Variants in LARGE1 observed in about 807,000 individuals in gnomAD.
LARGE1 encodes LARGE xylosyl- and glucuronyltransferase 1.
LARGE1 carries 43 observed loss-of-function variants against 87.6 expected under a neutral mutation model. The ratio of observed to expected loss-of-function variants is 0.49; its 90% CI spans 0.38 to 0.63. The LOEUF is 0.63. Ranked by LOEUF, LARGE1 falls within the 30% of genes least tolerant of loss-of-function variation. The pLI is 0.00. For missense variants in LARGE1, 802 were observed against 1,000.2 expected, an observed-to-expected ratio of 0.80 and a Z score of 2.67; for synonymous variants, 434 against 394.6, an observed-to-expected ratio of 1.10 and a Z score of -1.18.
At chr22:33,365,208 T>A (rs2064542979) in intron 9 of LARGE1, among the ~76,000 whole-genome samples, 4 of 152,258 alleles carry the variant, frequency 2.6e-5, no homozygotes, top group Admixed American at 2.6e-4. Flanking sequence ...TGACTTTCTT[T>A]AGAAAGTCAT....
chr22:33,223,992 G>A (rs1191208335), intron 11 of LARGE1, among the ~76,000 whole-genome samples: 2 of 152,136 alleles, frequency 1.3e-5, no homozygotes, highest in Non-Finnish European at 2.9e-5. Context: ...GCACAGTGAG[G>A]GGCACATAGA....
intron 4 of LARGE1, among the ~76,000 whole-genome samples, chr22:33,615,501 A>AC: frequency 6.6e-6 from 1 of 150,978 alleles, no homozygotes; most frequent in South Asian, 2.1e-4. Flanking sequence ...TTTTTAAAAA[A>AC]CCCTTTCTCT....
At chr22:33,607,587 C>A (rs1049106097) in intron 4 of LARGE1, among the ~76,000 whole-genome samples, 3 of 151,504 alleles carry the variant, frequency 2.0e-5, no homozygotes, top group Admixed American at 1.3e-4. Flanking sequence ...GAAGGCAACA[C>A]TGGGGTTCCT....
At position 33,564,823 on chromosome 22, in the gene LARGE1, GA is replaced by G. The variant is rs747223084; in HGVS notation, c.787+24del. 13 of 1,613,564 alleles carry G rather than the reference GA, an allele frequency of 8.1e-6. No homozygotes were observed. The South Asian group carries it at 1.4e-4, about 18-fold the overall frequency. Reference sequence around the variant, plus strand: ...TGCTGATACCTACAAGGATATCGGGGAAAAAACGAATGGGCTACCATTACCT... The same window carrying G: ...TGCTGATACCTACAAGGATATCGGGGAAAAACGAATGGGCTACCATTACCT... On this transcript the variant is annotated intron_variant, in intron 6 of 14. Coordinates refer to ENST00000397394, the MANE Select transcript of LARGE1 (RefSeq NM_133642.5).
chr22:33,899,294 A>T (rs77557632), intron 1 of LARGE1, among the ~76,000 whole-genome samples: 7,963 of 152,276 alleles, frequency 0.052, 207 homozygotes, highest in Middle Eastern at 0.082. Context: ...CAGGCAAAAA[A>T]GTTACAGGCT....
At chr22:33,086,384 A>C in the LARGE1 span, among the ~76,000 whole-genome samples, 1 of 152,130 alleles carries the variant, frequency 6.6e-6, no homozygotes, top group Admixed American at 6.5e-5. Flanking sequence ...ATTTTGAGAC[A>C]ACCTGCCCCC....
chr22:33,562,813 T>C (rs973018951), intron 6 of LARGE1: 1 of 152,526 alleles, frequency 6.6e-6, no homozygotes, highest in Non-Finnish European at 1.5e-5. Flanking sequence ...TGATGACCTG[T>C]TCTGGTGACT....
At chr22:33,210,141 G>A (rs56951294) in intron 11 of LARGE1, among the ~76,000 whole-genome samples, 5 of 152,210 alleles carry the variant, frequency 3.3e-5, no homozygotes, top group African/African-American at 9.6e-5. Flanking sequence ...ATCCAGAGCC[G>A]TGTTCTCCAG....
At chr22:33,608,779 C>T (rs146404716) in intron 4 of LARGE1, among the ~76,000 whole-genome samples, 352 of 152,260 alleles carry the variant, frequency 2.3e-3, no homozygotes, top group Non-Finnish European at 4.1e-3. Flanking sequence ...CTTGGCATCC[C>T]GGCTGCAGTA....
intron 5 of LARGE1, among the ~76,000 whole-genome samples, chr22:33,599,081 T>C (rs1417306660): frequency 6.6e-6 from 1 of 152,182 alleles, no homozygotes; most frequent in African/African-American, 2.4e-5. Context: ...CAACAGTCAT[T>C]CCCCAGGGGC....
At chr22:33,145,374 C>T in the LARGE1 span, among the ~76,000 whole-genome samples, 9 of 152,146 alleles carry the variant, frequency 5.9e-5, no homozygotes, top group Non-Finnish European at 1.2e-4. Context: ...TCATTCTGAC[C>T]TGGCCACTGG....
intron 6 of LARGE1, among the ~76,000 whole-genome samples, chr22:33,538,960 T>C (rs947989094): frequency 1.3e-5 from 2 of 152,198 alleles, no homozygotes; most frequent in African/African-American, 2.4e-5. Context: ...AATAATTCAG[T>C]GGATCTGAGC....
At chr22:33,122,040 G>A in the LARGE1 span, among the ~76,000 whole-genome samples, 3 of 152,292 alleles carry the variant, frequency 2.0e-5, no homozygotes, top group South Asian at 6.2e-4. Flanking sequence ...AGATTTGGCT[G>A]GGGACACAGT....
At chr22:33,834,202 C>T (rs13433559) in intron 1 of LARGE1, among the ~76,000 whole-genome samples, 21,725 of 152,118 alleles carry the variant, frequency 0.14, 1,671 homozygotes, top group South Asian at 0.28. Flanking sequence ...GCAGCCAAAA[C>T]GGACAAAATT....
chr22:33,320,217 C>T (rs1004279903), intron 10 of LARGE1, among the ~76,000 whole-genome samples: 7 of 152,124 alleles, frequency 4.6e-5, no homozygotes, highest in South Asian at 2.1e-4. Flanking sequence ...ACTCTGTGGC[C>T]TCATCATTGG....
intron 2 of LARGE1, among the ~76,000 whole-genome samples, chr22:33,703,509 C>A (rs1405739582): frequency 6.6e-6 from 1 of 152,116 alleles, no homozygotes; most frequent in Non-Finnish European, 1.5e-5. Flanking sequence ...GATTAAAGAC[C>A]TAGAGGTGGA....
chr22:33,850,658 T>G (rs2063558730), intron 1 of LARGE1, among the ~76,000 whole-genome samples: 1 of 152,206 alleles, frequency 6.6e-6, no homozygotes, highest in African/African-American at 2.4e-5. Context: ...CGGTAGACTT[T>G]ATAACCTTAT....
chr22:33,326,198 G>A (rs1473012334), intron 10 of LARGE1, among the ~76,000 whole-genome samples: 3 of 152,158 alleles, frequency 2.0e-5, no homozygotes, highest in Non-Finnish European at 4.4e-5. Flanking sequence ...GAGAGGGTCT[G>A]CCCAGCCCTG....
At chr22:33,541,054 C>G (rs1456413008) in intron 6 of LARGE1, among the ~76,000 whole-genome samples, 5 of 13,716 alleles carry the variant, frequency 3.6e-4, no homozygotes, top group East Asian at 4.6e-3. Flanking sequence ...TGGTGGGTTG[C>G]GGGGGGGGGG....
Sources: allele counts gnomAD v4.1 joint callset (sites outside exome capture counted in the v4.1 genomes callset), GRCh38; gene constraint gnomAD v4.1.1; transcripts MANE v1.5; gene names NCBI Gene and HGNC (gene_info 2026-07-23, HGNC 2026-07-21).